The following ZNF266 variants were observed in gnomAD, a reference collection of about 807,000 sequenced individuals.
ZNF266 encodes the protein zinc finger protein 266.
A neutral mutation model predicts 16.4 loss-of-function variants in ZNF266; 16 were observed. The ratio of observed to expected loss-of-function variants is 0.98; its 90% CI spans 0.66 to 1.48. The LOEUF is 1.48. Ranked by LOEUF, ZNF266 falls within the 40% of genes most tolerant of loss-of-function variation. ZNF266 has a pLI of 0.00. For synonymous variants in ZNF266, 262 were observed against 237.9 expected (o/e 1.10, Z -0.93); for missense variants, 738 against 689.1 (o/e 1.07, Z -0.79).
chr19:9,420,013 G>C (rs75330846), intron 6 of ZNF266, 52 bp downstream of exon 6: 7,161 of 39,000 alleles, frequency 0.18, 387 homozygotes, highest in African/African-American at 0.41. Context: ...ATACTGTGTG[G>C]GGGGGGACAC....
At chr19:9,414,907 T>C (rs557338663) in intron 10 of ZNF266, among the ~76,000 whole-genome samples, 187 bp from the exon 11 acceptor site, 32 of 152,352 alleles carry the variant, frequency 2.1e-4, no homozygotes, top group African/African-American at 7.5e-4. Context: ...GGCTGTGCCA[T>C]CTACTCTAAT....
chr19:9,432,521 G>A (rs1400923478), intron 5 of ZNF266, among the ~76,000 whole-genome samples: 3 of 152,078 alleles, frequency 2.0e-5, no homozygotes, highest in Non-Finnish European at 2.9e-5. Flanking sequence ...TCATCAGCAG[G>A]TTCTTGGAAA....
chr19:9,421,800 G>C (rs1009284230), intron 5 of ZNF266, among the ~76,000 whole-genome samples: 1 of 151,974 alleles, frequency 6.6e-6, no homozygotes, highest in African/African-American at 2.4e-5. Flanking sequence ...AACATTACTG[G>C]GTAGATAGAT....
chr19:9,429,007 T>C lies in ZNF266; in HGVS notation c.-130+4661A>G, dbSNP rs575863678. On this transcript the variant is annotated intron_variant, in intron 5 of 10. Transcript: ENST00000592904. ...CTTCGGCCTCCCAAACTCCTGGGAT[T>C]ACAGGGGCGAGCCACTGTGCCCAAC... is the stretch of plus-strand genomic sequence containing the variant. 5.3e-5 allele frequency among the ~76,000 whole-genome samples: 8 copies of C among 152,238 alleles called. No homozygotes were observed. In the South Asian group the frequency reaches 1.7e-3, roughly 32 times the overall value.
chr19:9,420,310 A>C (rs978307358), intron 5 of ZNF266, 92 bp from the exon 6 acceptor site: 2 of 152,254 alleles, frequency 1.3e-5, no homozygotes, highest in African/African-American at 4.8e-5. Flanking sequence ...AGGAAAAGAC[A>C]CTGAAAACGG....
rs774242432 is a variant in ZNF266 at position 9,414,569 on chromosome 19, T to C, written c.557A>G (p.His186Arg). The C allele has an allele frequency of 3.7e-6, 6 of 1,614,002 alleles. No individual in the cohort carries two copies. The South Asian group carries it at 6.6e-5, about 18-fold the overall frequency. The change falls in exon 11 of 11, where the codon CAC becomes CGC. Residue 186 changes from histidine (H) to arginine (R), a missense_variant. His to Arg is a conservative substitution (Grantham distance 29, BLOSUM62 0). Transcript: ENST00000592904. ...TTGCTCTCCAGTAGAGGTTTTCTTG[T>C]GCAGAGTAAGGAAGTCTACTCCATA... The part of the protein sequence containing the change: ...YLYGVDFLTL[H>R]KKTSTGEQRS...
At chr19:9,415,848 G>C in intron 9 of ZNF266, 106 bp from the exon 10 acceptor site, 11 of 903,656 alleles carry the variant, frequency 1.2e-5, no homozygotes, top group African/African-American at 1.7e-5. Context: ...TCTTGAGACG[G>C]TGTCTCACTC....
chr19:9,415,765 G>T, intron 9 of ZNF266, 23 bp from the exon 10 acceptor site: 1 of 1,596,160 alleles, frequency 6.3e-7, no homozygotes, highest in South Asian at 1.1e-5. Context: ...AGAAATGTAA[G>T]GGTTTGGAGA....
At chr19:9,423,103 C>T (rs2070185221) in intron 5 of ZNF266, among the ~76,000 whole-genome samples, 1 of 152,180 alleles carries the variant, frequency 6.6e-6, no homozygotes, top group African/African-American at 2.4e-5. Flanking sequence ...AAAAAATGTT[C>T]ATGACAGCAG....
chr19:9,414,360 A>G lies in ZNF266; in HGVS notation c.766T>C (p.Cys256Arg). ...GTGGAGTGAATAAAGCCTCTCCCAC[A>G]TTCCTTCCATTCATGGAGACTTTCT... is the stretch of plus-strand genomic sequence containing the variant. ...NGESLHEWKE[C>R]GRGFIHSTDL... The change falls in exon 11 of 11, where the codon TGT becomes CGT. Residue 256 changes from cysteine to arginine, a missense_variant. Coordinates refer to ENST00000592904, the MANE Select transcript of ZNF266 (RefSeq NM_001370374.1). 1 of 1,614,242 alleles carries G rather than the reference A, an allele frequency of 6.2e-7. No homozygotes were observed. The highest frequency in any genetic ancestry group is 8.5e-7 in the Non-Finnish European group (1 of 1,180,040).
chr19:9,429,392 G>T (rs942952903), intron 5 of ZNF266, among the ~76,000 whole-genome samples: 8 of 151,946 alleles, frequency 5.3e-5, no homozygotes, highest in Non-Finnish European at 8.8e-5. Flanking sequence ...ACAAAAACAT[G>T]TTGTCAGGTA....
Position 9,412,997 on chromosome 19 carries a change from T to A in ZNF266, c.*278A>T. On this transcript the variant is annotated 3_prime_UTR_variant, in exon 11 of 11. Transcript: ENST00000592904. The stretch of plus-strand genomic sequence containing the variant: ...TCCAATGTGAGTTCACATACACACA[T>A]TAAGGTTTGTGGGATTCAGAAAGGT... 1 of 452,248 alleles carries A rather than the reference T, an allele frequency of 2.2e-6. No individual in the cohort carries two copies. Among genetic ancestry groups the A allele is most frequent in the South Asian group, 3.3e-5 (1 of 30,126 alleles). 28.0% of individuals were successfully genotyped at this position (452,248 alleles called of 1,614,324 possible). A position where few individuals can be genotyped will look rare whatever the true frequency, so the allele number is the denominator to read the frequency against.
chr19:9,428,354 C>T (rs1338964105), intron 5 of ZNF266, among the ~76,000 whole-genome samples: 1 of 152,212 alleles, frequency 6.6e-6, no homozygotes, highest in East Asian at 1.9e-4. Flanking sequence ...AGTGGCTTCC[C>T]CTGTTCTCAG....
At chr19:9,425,468 CAG>C (rs1164859767) in intron 5 of ZNF266, among the ~76,000 whole-genome samples, 5 of 151,960 alleles carry the variant, frequency 3.3e-5, no homozygotes, top group Admixed American at 6.6e-5. Flanking sequence ...AGCCACTCTC[CAG>C]AGAGAGAGAG....
chr19:9,417,890 G>A lies in ZNF266; in HGVS notation c.254C>T (p.Pro85Leu). 6.2e-7 allele frequency: 1 copy of A among 1,614,070 alleles called. No individual in the cohort carries two copies. Among genetic ancestry groups the A allele is most frequent in the Non-Finnish European group, 8.5e-7 (1 of 1,179,974 alleles). ...LATVGYQLFKPSLISWLEQEE... is the reference protein window; with the variant it reads ...LATVGYQLFKLSLISWLEQEE... ...TTGTTCCAGCCAAGAGATCAGACTG[G>A]GTTTGAAGAGCTGATATCCTGTGCA... is the stretch of plus-strand genomic sequence containing the variant. Residue 85 changes from proline to leucine, a missense_variant, in exon 9 of 11, where the codon CCC (proline) becomes CTC (leucine). Pro to Leu is a moderately conservative substitution (Grantham distance 98). Transcript: ENST00000592904.
At position 9,422,417 on chromosome 19, in the gene ZNF266, T is replaced by G. The variant is rs146508657; in HGVS notation, c.-129-2199A>C. 3.3e-3 allele frequency among the ~76,000 whole-genome samples: 506 copies of G among 152,264 alleles called. 1 individual carries two copies. The highest frequency in any genetic ancestry group is 5.5e-3 in the Non-Finnish European group (373 of 68,020). On this transcript the variant is annotated intron_variant, in intron 5 of 10. Coordinates refer to ENST00000592904, the MANE Select transcript of ZNF266 (RefSeq NM_001370374.1). ...CCCCATCACAATTCATAACACAATA[T>G]GCATCTGAGTTCTGAGGAAATGCAT...
chr19:9,426,337 A>T (rs531970233), intron 5 of ZNF266, among the ~76,000 whole-genome samples: 1 of 152,162 alleles, frequency 6.6e-6, no homozygotes, highest in South Asian at 2.1e-4. Flanking sequence ...TACTTAGAAG[A>T]AAAAAATAGA....
chr19:9,432,835 C>T (rs940354560), intron 5 of ZNF266, among the ~76,000 whole-genome samples: 1 of 152,102 alleles, frequency 6.6e-6, no homozygotes, highest in Non-Finnish European at 1.5e-5. Context: ...GGACCACCTC[C>T]TACCACCAAG....
At chr19:9,426,541 A>G (rs1419668056) in intron 5 of ZNF266, among the ~76,000 whole-genome samples, 2 of 141,648 alleles carry the variant, frequency 1.4e-5, no homozygotes, top group African/African-American at 2.9e-5. Context: ...CAAGTTCAAG[A>G]AAAAAAAAAA....
Sources: allele counts gnomAD v4.1 joint callset (sites outside exome capture counted in the v4.1 genomes callset), GRCh38; gene constraint gnomAD v4.1.1; transcripts MANE v1.5; gene names NCBI Gene and HGNC (gene_info 2026-07-23, HGNC 2026-07-21).